The following SLIT3 variants were observed in gnomAD, a reference collection of about 807,000 sequenced individuals.
The protein encoded by SLIT3 is slit homolog 3 protein.
A neutral mutation model predicts 184.0 loss-of-function variants in SLIT3; 68 were observed. That is an observed-to-expected ratio of 0.37 (90% CI 0.30 to 0.45). The LOEUF is 0.45. Ranked by LOEUF, SLIT3 falls within the 20% of genes least tolerant of loss-of-function variation. The pLI, the probability that SLIT3 is intolerant of heterozygous loss-of-function variation, is 1.00. For missense variants in SLIT3, 1,707 were observed against 2,026.0 expected (o/e 0.84, Z 3.02); for synonymous variants, 831 against 828.6 (o/e 1.00, Z -0.05).
intron 4 of SLIT3, among the ~76,000 whole-genome samples, chr5:169,166,893 C>T (rs777051897): frequency 1.3e-5 from 2 of 152,168 alleles, no homozygotes; most frequent in Admixed American, 6.5e-5. Context: ...TGGCCATGCA[C>T]GGCGGCTCAC....
chr5:168,921,348 G>C (rs1385783686), intron 4 of SLIT3, among the ~76,000 whole-genome samples: 1 of 152,120 alleles, frequency 6.6e-6, no homozygotes, highest in African/African-American at 2.4e-5. Flanking sequence ...AAAATGAAGA[G>C]GGCAATTTTC....
intron 4 of SLIT3, among the ~76,000 whole-genome samples, chr5:168,943,562 T>C (rs1324938280): frequency 6.6e-6 from 1 of 152,258 alleles, no homozygotes; most frequent in African/African-American, 2.4e-5. Context: ...AGTCTCAGTT[T>C]CATTATCTGT....
chr5:169,013,901 G>C (rs181067685), intron 4 of SLIT3, among the ~76,000 whole-genome samples: 58 of 152,266 alleles, frequency 3.8e-4, no homozygotes, highest in African/African-American at 1.4e-3. Flanking sequence ...TGGCTTGCAG[G>C]CCTCTAGGCT....
chr5:169,227,677 C>A (rs901840922), intron 3 of SLIT3, among the ~76,000 whole-genome samples: 2 of 152,220 alleles, frequency 1.3e-5, no homozygotes, highest in African/African-American at 4.8e-5. Flanking sequence ...CCGCCCACCT[C>A]GGCCTCCCAA....
At chr5:168,940,841 G>A (rs1165708407) in intron 4 of SLIT3, among the ~76,000 whole-genome samples, 1 of 152,130 alleles carries the variant, frequency 6.6e-6, no homozygotes, top group Non-Finnish European at 1.5e-5. Flanking sequence ...ATGTGGCAAG[G>A]GACAGGGTTT....
intron 4 of SLIT3, among the ~76,000 whole-genome samples, chr5:169,116,307 G>T (rs1460515211): frequency 1.3e-5 from 2 of 152,192 alleles, no homozygotes; most frequent in African/African-American, 4.8e-5. Flanking sequence ...CAATGGTCTG[G>T]TTCCCACGGA....
At chr5:168,933,842 T>A (rs1179332347) in intron 4 of SLIT3, among the ~76,000 whole-genome samples, 1 of 152,202 alleles carries the variant, frequency 6.6e-6, no homozygotes, top group Non-Finnish European at 1.5e-5. Context: ...ACAAGAGTGA[T>A]GCGCTAACAG....
rs1319649792 is a variant in SLIT3, at chr5:168,722,970, T to C, written c.2374A>G (p.Asn792Asp). ...TGAGACATGTTACTGAAGGTGTAAT[T>C]GGTCAGCATGCTGATGCTGTTGTTG... Reference protein sequence around the residue: ...LSNNSISMLTNYTFSNMSHLS... With the variant: ...LSNNSISMLTDYTFSNMSHLS... The change falls in exon 22 of 36, where the codon AAT (asparagine) becomes GAT (aspartate). Residue 792 changes from asparagine to aspartate, a missense_variant. Physicochemically the swap from Asn to Asp is conservative, Grantham distance 23. This residue lies in a region of SLIT3 where 1,307 missense variants were observed against 1,511.6 expected (regional missense o/e 0.86). Transcript: ENST00000519560. 2 of 1,614,034 alleles carry C rather than the reference T, an allele frequency of 1.2e-6. No homozygotes were observed. Among genetic ancestry groups the C allele is most frequent in the African/African-American group, 2.7e-5 (2 of 75,040 alleles).
chr5:168,912,893 C>T (rs1289372142), intron 4 of SLIT3, among the ~76,000 whole-genome samples: 1 of 152,134 alleles, frequency 6.6e-6, no homozygotes, highest in Non-Finnish European at 1.5e-5. Flanking sequence ...GCTCTCCCTC[C>T]CCTTTGTGCC....
At chr5:168,822,970 G>A (rs572693642) in intron 7 of SLIT3, among the ~76,000 whole-genome samples, 9 of 152,240 alleles carry the variant, frequency 5.9e-5, no homozygotes, top group Admixed American at 1.3e-4. Context: ...CTATCAGGAC[G>A]GAAAACATGC....
At chr5:168,751,840 C>T (rs750380427) in intron 18 of SLIT3, among the ~76,000 whole-genome samples, 11 of 151,822 alleles carry the variant, frequency 7.2e-5, no homozygotes, top group South Asian at 6.2e-4. Context: ...CGGGTTCAAG[C>T]GATTCTCCTG....
In SLIT3 at chr5:168,662,999, T is replaced by C. The variant is rs1760922415; in HGVS notation, c.*3455A>G. ...TTTCTTAAAGTCAGGGCTTCCAAAC[T>C]TGAGGGAGAAGGCTCAAAATTATAA... is the stretch of plus-strand genomic sequence containing the variant. On this transcript the variant is annotated 3_prime_UTR_variant, in exon 36 of 36. Coordinates refer to ENST00000519560, the MANE Select transcript of SLIT3 (RefSeq NM_003062.4). 6.6e-6 allele frequency: 1 copy of C among 152,268 alleles called. No individual in the cohort carries two copies. Among genetic ancestry groups the C allele is most frequent in the Admixed American group, 6.5e-5 (1 of 15,282 alleles). The allele number at this position is 152,268 out of a possible 1,614,324, so 9.4% of individuals were successfully genotyped here.
At chr5:168,884,481 C>T (rs1251599034) in intron 4 of SLIT3, among the ~76,000 whole-genome samples, 1 of 114,416 alleles carries the variant, frequency 8.7e-6, no homozygotes, top group African/African-American at 3.2e-5. Context: ...AAAAGAACAC[C>T]CGAAAAACCC....
rs1323660821 is a variant in SLIT3 at position 168,944,094 on chromosome 5, C to T, written c.414-60758G>A. 2.6e-5 allele frequency among the ~76,000 whole-genome samples: 4 copies of T among 152,276 alleles called. No individual in the cohort carries two copies. In the East Asian group the frequency reaches 7.7e-4, roughly 29 times the overall value. On this transcript the variant is annotated intron_variant, in intron 4 of 35. Transcript: ENST00000519560. Reference sequence around the variant, plus strand: ...CTAATCTTTTTATAATGAACTTAATCCAGTTAGAACTCCCTAGAATGGCCA... The same window carrying T: ...CTAATCTTTTTATAATGAACTTAATTCAGTTAGAACTCCCTAGAATGGCCA...
chr5:168,740,033 T>C (rs1251857098), intron 20 of SLIT3, among the ~76,000 whole-genome samples: 2 of 152,234 alleles, frequency 1.3e-5, no homozygotes, highest in East Asian at 3.8e-4. Flanking sequence ...GTGTTAGTAA[T>C]ATGATCAATA....
At chr5:169,142,066 TAA>T (rs1761763357) in intron 4 of SLIT3, among the ~76,000 whole-genome samples, 1 of 63,838 alleles carries the variant, frequency 1.6e-5, no homozygotes, top group African/African-American at 1.2e-4. Flanking sequence ...AAAATAAAAA[TAA>T]AAATAAAAAT....
At chr5:169,119,463 G>A (rs1394377992) in intron 4 of SLIT3, among the ~76,000 whole-genome samples, 2 of 152,200 alleles carry the variant, frequency 1.3e-5, no homozygotes, top group Non-Finnish European at 2.9e-5. Flanking sequence ...CAGCAGGAAG[G>A]ACTAACAGGA....
chr5:169,274,059 G>A (rs1270424552), intron 1 of SLIT3, among the ~76,000 whole-genome samples: 2 of 152,058 alleles, frequency 1.3e-5, no homozygotes, highest in East Asian at 1.9e-4. Flanking sequence ...CCCCAAATGG[G>A]GTTCCCGGAC....
chr5:168,674,142 T>A (rs1017406290), intron 32 of SLIT3, among the ~76,000 whole-genome samples: 12 of 152,210 alleles, frequency 7.9e-5, no homozygotes, highest in African/African-American at 2.9e-4. Flanking sequence ...CCACCAGTGG[T>A]ATGCATGCCA....
Sources: gnomAD v4.1 joint callset for allele counts (sites outside exome capture counted in the v4.1 genomes callset) on GRCh38, gnomAD v4.1.1 for gene constraint, gnomAD v4.1.1 regional missense constraint, MANE v1.5 for transcripts, NCBI Gene and HGNC (gene_info 2026-07-23, HGNC 2026-07-21) for gene names.